Variants in CADPS2 observed in about 807,000 individuals in gnomAD.
CADPS2 encodes the protein calcium dependent secretion activator 2.
Under a neutral mutation model 172.5 loss-of-function variants are expected in CADPS2, and 93 were observed. That is an observed-to-expected ratio of 0.54 (90% CI 0.46 to 0.64). The LOEUF (loss-of-function observed/expected upper bound fraction) is 0.64. Ranked by LOEUF, CADPS2 falls within the 30% of genes least tolerant of loss-of-function variation. CADPS2 has a pLI of 0.00. For synonymous variants in CADPS2, 546 were observed against 555.2 expected (o/e 0.98, Z 0.23); for missense variants, 1,420 against 1,565.9 (o/e 0.91, Z 1.57).
At chr7:122,659,585 G>C (rs1175453713) in intron 3 of CADPS2, among the ~76,000 whole-genome samples, 2 of 151,938 alleles carry the variant, frequency 1.3e-5, no homozygotes, top group African/African-American at 4.8e-5. Flanking sequence ...AATATTTGAA[G>C]TAATAACAGC....
intron 20 of CADPS2, among the ~76,000 whole-genome samples, chr7:122,403,702 T>C (rs538505722): frequency 2.6e-5 from 4 of 152,206 alleles, no homozygotes; most frequent in African/African-American, 7.2e-5. Flanking sequence ...TTCTTAAAAA[T>C]AAATATGAAA....
chr7:122,756,414 A>T (rs903242560), intron 1 of CADPS2, among the ~76,000 whole-genome samples: 5 of 152,242 alleles, frequency 3.3e-5, no homozygotes, highest in African/African-American at 1.2e-4. Flanking sequence ...CATTATCAAA[A>T]GAAATGTATA....
At chr7:122,536,921 G>A (rs184251922) in intron 8 of CADPS2, among the ~76,000 whole-genome samples, 42 of 151,954 alleles carry the variant, frequency 2.8e-4, no homozygotes, top group Non-Finnish European at 5.0e-4. Context: ...AAGGGAAGCT[G>A]ATATCTGAAA....
At chr7:122,621,412 A>G in intron 5 of CADPS2, 69 bp downstream of exon 5, 1 of 1,004,304 alleles carries the variant, frequency 1.0e-6, no homozygotes, top group South Asian at 1.5e-5. Context: ...GTTACTGCAA[A>G]GGTCAACAGA....
intron 8 of CADPS2, among the ~76,000 whole-genome samples, chr7:122,527,617 A>AGAGAGAGAGAGAGAGAGAGGGT: frequency 1.2e-5 from 1 of 83,806 alleles, no homozygotes; most frequent in Non-Finnish European, 2.6e-5. Context: ...AGAGAGAGAG[A>AGAGAGAGAGAGAGAGAGAGGGT]GTGTGTGTGT....
chr7:122,505,066 T>C lies in CADPS2; in HGVS notation c.1542+8183A>G, dbSNP rs527482300. 5.9e-5 allele frequency among the ~76,000 whole-genome samples: 9 copies of C among 152,332 alleles called. No homozygotes were observed. In the East Asian group the frequency reaches 1.5e-3, roughly 26 times the overall value. ...ACATTATAATGTCTTTTAAAAATTATTGCTTTCTTAAAAACCAAATGTTGA... is the reference window on the plus strand; with the variant it reads ...ACATTATAATGTCTTTTAAAAATTACTGCTTTCTTAAAAACCAAATGTTGA... On this transcript the variant is annotated intron_variant, in intron 9 of 29. Coordinates refer to ENST00000449022, the MANE Select transcript of CADPS2 (RefSeq NM_017954.11).
intron 2 of CADPS2, among the ~76,000 whole-genome samples, chr7:122,722,302 C>A (rs1239868126): frequency 1.4e-4 from 22 of 152,030 alleles, no homozygotes; most frequent in African/African-American, 2.2e-4. Context: ...CCCATCGTCT[C>A]AGCCCAAAAT....
At chr7:122,616,779 G>A (rs1321651454) in intron 5 of CADPS2, among the ~76,000 whole-genome samples, 2 of 152,090 alleles carry the variant, frequency 1.3e-5, no homozygotes, top group African/African-American at 4.8e-5. Context: ...AGCAAAGGAA[G>A]TTATGCATTT....
chr7:122,330,060 A>C (rs530149997), intron 28 of CADPS2, among the ~76,000 whole-genome samples: 1 of 152,328 alleles, frequency 6.6e-6, no homozygotes, highest in South Asian at 2.1e-4. Context: ...GTGACAAAGA[A>C]AAGGAAAGAA....
intron 1 of CADPS2, among the ~76,000 whole-genome samples, chr7:122,840,950 G>A (rs1339100914): frequency 2.0e-5 from 3 of 151,960 alleles, no homozygotes; most frequent in South Asian, 4.2e-4. Context: ...CAAGAAGAAA[G>A]CCCATAAGAA....
intron 1 of CADPS2, among the ~76,000 whole-genome samples, chr7:122,776,246 T>C (rs1034347291): frequency 6.6e-6 from 1 of 152,120 alleles, no homozygotes; most frequent in Admixed American, 6.5e-5. Flanking sequence ...TGAGATCTGA[T>C]GGCTTTATAA....
chr7:122,330,452 A>G (rs1373381518), intron 28 of CADPS2, among the ~76,000 whole-genome samples: 1 of 152,164 alleles, frequency 6.6e-6, no homozygotes, highest in Non-Finnish European at 1.5e-5. Context: ...AAACACTAAA[A>G]CGCAAATGTT....
intron 2 of CADPS2, among the ~76,000 whole-genome samples, chr7:122,678,035 T>C (rs2471179): frequency 0.99 from 151,162 of 152,302 alleles, 75,022 homozygotes; most frequent in Non-Finnish European, 1. Context: ...GCAAACTGCA[T>C]CTTTGAAATC....
chr7:122,862,666 G>A (rs1278439472), intron 1 of CADPS2, among the ~76,000 whole-genome samples: 1 of 151,948 alleles, frequency 6.6e-6, no homozygotes, highest in Admixed American at 6.6e-5. Context: ...GCCCTTTAGA[G>A]TGTGACAACT....
intron 13 of CADPS2, among the ~76,000 whole-genome samples, chr7:122,472,451 A>G (rs2056103687): frequency 2.0e-5 from 3 of 152,126 alleles, no homozygotes; most frequent in African/African-American, 7.2e-5. Context: ...AGGGATGTTA[A>G]GTGAATTGTC....
At position 122,416,087 on chromosome 7, in the gene CADPS2, G is replaced by GT; in HGVS notation, c.2553dup (p.Gln852ThrfsTer4). ...TCTGCATGATGCTCTTCATTCTGCT[G>GT]TAAGACTTCTATGCAGAGCTCTGCC... On this transcript the variant is annotated frameshift_variant, in exon 18 of 30. Coordinates refer to ENST00000449022, the MANE Select transcript of CADPS2 (RefSeq NM_017954.11). LOFTEE classifies it high-confidence loss of function. 6.5e-7 allele frequency: 1 copy of GT among 1,543,600 alleles called. No individual in the cohort carries two copies. The highest frequency in any genetic ancestry group is 8.8e-7 in the Non-Finnish European group (1 of 1,139,076).
intron 1 of CADPS2, among the ~76,000 whole-genome samples, chr7:122,876,515 C>G (rs967577655): frequency 6.6e-6 from 1 of 152,010 alleles, no homozygotes; most frequent in Non-Finnish European, 1.5e-5. Context: ...GCATGAGTCG[C>G]CATGCTTGAC....
intron 7 of CADPS2, among the ~76,000 whole-genome samples, chr7:122,561,114 G>A (rs1023025874): frequency 2.0e-5 from 3 of 152,084 alleles, no homozygotes; most frequent in Non-Finnish European, 4.4e-5. Context: ...AAGAACACCT[G>A]CTCACTCTTA....
At chr7:122,824,779 C>T (rs945259749) in intron 1 of CADPS2, among the ~76,000 whole-genome samples, 4 of 152,118 alleles carry the variant, frequency 2.6e-5, no homozygotes, top group African/African-American at 9.7e-5. Context: ...TCCTCCACTC[C>T]TAAGTGCTTG....
Sources: allele counts gnomAD v4.1 joint callset (sites outside exome capture counted in the v4.1 genomes callset), GRCh38; gene constraint gnomAD v4.1.1; transcripts MANE v1.5; gene names NCBI Gene and HGNC (gene_info 2026-07-23, HGNC 2026-07-21).